Variants in SEMA3C observed in about 807,000 individuals in gnomAD.
The protein encoded by SEMA3C is semaphorin-3C.
Under a neutral mutation model 89.4 loss-of-function variants are expected in SEMA3C, and 47 were observed. The ratio of observed to expected loss-of-function variants is 0.53; its 90% CI spans 0.42 to 0.67. The LOEUF (loss-of-function observed/expected upper bound fraction) is 0.67. SEMA3C is among the 30% of genes least tolerant of loss of function. SEMA3C has a pLI of 0.00. For missense variants in SEMA3C, 839 were observed against 929.1 expected (o/e 0.90, Z 1.26); for synonymous variants, 310 against 320.2 (o/e 0.97, Z 0.34).
In SEMA3C at chr7:80,899,127, G is replaced by A. The variant is rs144043206; in HGVS notation, c.103+17552C>T. On this transcript the variant is annotated intron_variant, in intron 2 of 17. Transcript: ENST00000265361. ...ATGATCTCGGCTCACTGCAACCTCC[G>A]CCGCCCGGGCTCAAGCAATTCTCCT... 3.5e-4 allele frequency among the ~76,000 whole-genome samples: 54 copies of A among 152,222 alleles called. No individual in the cohort carries two copies. The East Asian group carries it at 7.2e-3, about 20-fold the overall frequency.
rs929576949 is a variant in SEMA3C at position 80,761,979 on chromosome 7, C to T, written c.1444-322G>A. On this transcript the variant is annotated intron_variant, in intron 13 of 17. Coordinates refer to ENST00000265361, the MANE Select transcript of SEMA3C (RefSeq NM_006379.5). ...TGGTGGGCACCTGTAATCCCAGCTA[C>T]TCAGGAGGCTGAGGCAGGAGAATTG... Among the ~76,000 whole-genome samples, 5 of 151,094 alleles carry T rather than the reference C, an allele frequency of 3.3e-5. No homozygotes were observed. The East Asian group carries it at 9.7e-4, about 29-fold the overall frequency.
At chr7:80,763,753 C>T (rs367543903) in intron 13 of SEMA3C, among the ~76,000 whole-genome samples, 1 of 152,014 alleles carries the variant, frequency 6.6e-6, no homozygotes, top group Non-Finnish European at 1.5e-5. Flanking sequence ...GAATAAGGCA[C>T]TTCGTATTAT....
chr7:80,781,315 A>ATCTCTGTCCCAATATG (rs1788685620), intron 12 of SEMA3C, among the ~76,000 whole-genome samples: 1 of 152,222 alleles, frequency 6.6e-6, no homozygotes, highest in South Asian at 2.1e-4. Flanking sequence ...TTTGGGACAG[A>ATCTCTGTCCCAATATG]GGCATTATTC....
At chr7:80,869,340 T>G (rs1315975382) in intron 2 of SEMA3C, among the ~76,000 whole-genome samples, 1 of 152,230 alleles carries the variant, frequency 6.6e-6, no homozygotes, top group African/African-American at 2.4e-5. Context: ...CAGGGATTTC[T>G]TGGTGTGTAA....
At chr7:80,856,842 G>GC (rs1375285542) in intron 2 of SEMA3C, among the ~76,000 whole-genome samples, 3 of 152,084 alleles carry the variant, frequency 2.0e-5, no homozygotes, top group Non-Finnish European at 4.4e-5. Context: ...GGTAGATTCT[G>GC]CCCCCTGTGC....
At chr7:80,826,126 T>C (rs1467988033) in intron 4 of SEMA3C, among the ~76,000 whole-genome samples, 3 of 152,130 alleles carry the variant, frequency 2.0e-5, no homozygotes, top group Admixed American at 6.6e-5. Context: ...CCAAAAACTT[T>C]TGCAACTTTA....
intron 4 of SEMA3C, among the ~76,000 whole-genome samples, chr7:80,823,443 A>T (rs897052844): frequency 1.3e-5 from 2 of 152,142 alleles, no homozygotes; most frequent in Non-Finnish European, 2.9e-5. Flanking sequence ...TATTACTTTT[A>T]TAATATAAAA....
At chr7:80,762,357 C>T (rs1438742527) in intron 13 of SEMA3C, among the ~76,000 whole-genome samples, 1 of 152,116 alleles carries the variant, frequency 6.6e-6, no homozygotes, top group Admixed American at 6.5e-5. Flanking sequence ...CTGAACCATA[C>T]TAGTTAATAC....
chr7:80,828,831 C>T (rs1002193308), intron 2 of SEMA3C, 86 bp from the exon 3 acceptor site: 31 of 1,031,080 alleles, frequency 3.0e-5, no homozygotes, highest in Non-Finnish European at 4.2e-5. Flanking sequence ...TGCAAATATT[C>T]CAAAAAATGT....
chr7:80,774,826 A>G (rs1378125152), intron 12 of SEMA3C, among the ~76,000 whole-genome samples: 1 of 152,088 alleles, frequency 6.6e-6, no homozygotes, highest in Non-Finnish European at 1.5e-5. Context: ...ACACTTCCCA[A>G]ATTTGATGAA....
chr7:80,875,672 A>G (rs1791183490), intron 2 of SEMA3C, among the ~76,000 whole-genome samples: 1 of 151,946 alleles, frequency 6.6e-6, no homozygotes, highest in African/African-American at 2.4e-5. Flanking sequence ...CTACCCGCCT[A>G]TTACTCACTT....
intron 15 of SEMA3C, 59 bp downstream of exon 15, chr7:80,758,272 C>A (rs1788108050): frequency 2.0e-6 from 3 of 1,527,504 alleles, no homozygotes; most frequent in East Asian, 2.3e-5. Flanking sequence ...AGATGTGAAA[C>A]ACTTCTGTAT....
At chr7:80,788,376 A>C (rs567364490) in intron 12 of SEMA3C, among the ~76,000 whole-genome samples, 27 of 152,354 alleles carry the variant, frequency 1.8e-4, no homozygotes, top group Admixed American at 1.8e-3. Context: ...CCCGACCGAC[A>C]AGCCAGGGTG....
intron 4 of SEMA3C, among the ~76,000 whole-genome samples, chr7:80,824,709 T>C (rs551101942): frequency 6.6e-6 from 1 of 152,174 alleles, no homozygotes; most frequent in Non-Finnish European, 1.5e-5. Context: ...CAGAGCTGTA[T>C]GTGACTTAAT....
chr7:80,868,905 A>G (rs1361456622), intron 2 of SEMA3C, among the ~76,000 whole-genome samples: 3 of 152,224 alleles, frequency 2.0e-5, no homozygotes, highest in African/African-American at 4.8e-5. Context: ...CATTAAATGC[A>G]TAACGAGGTT....
chr7:80,857,786 A>G (rs1453927616), intron 2 of SEMA3C, among the ~76,000 whole-genome samples: 2 of 152,194 alleles, frequency 1.3e-5, no homozygotes, highest in Non-Finnish European at 2.9e-5. Context: ...TTTGTAAAAG[A>G]GCTAAATATT....
chr7:80,892,147 C>A (rs779530016), intron 2 of SEMA3C, among the ~76,000 whole-genome samples: 6 of 151,998 alleles, frequency 3.9e-5, no homozygotes, highest in Non-Finnish European at 8.8e-5. Context: ...GGATCACAGA[C>A]AAAAATCATT....
At chr7:80,765,307 A>G in intron 12 of SEMA3C, 64 bp from the exon 13 acceptor site, 1 of 1,182,624 alleles carries the variant, frequency 8.5e-7, no homozygotes, top group Non-Finnish European at 1.3e-6. Context: ...ATTTAGACAT[A>G]GGACTACTGA....
chr7:80,872,940 A>AG (rs1357138271), intron 2 of SEMA3C, among the ~76,000 whole-genome samples: 1 of 151,164 alleles, frequency 6.6e-6, no homozygotes, highest in Non-Finnish European at 1.5e-5. Context: ...AAAAAAAAAA[A>AG]AAAGAAAGCC....
Sources: allele counts gnomAD v4.1 joint callset (sites outside exome capture counted in the v4.1 genomes callset), GRCh38; gene constraint gnomAD v4.1.1; transcripts MANE v1.5; gene names NCBI Gene and HGNC (gene_info 2026-07-23, HGNC 2026-07-21).